BBS7: variants seen among roughly 807,000 people sequenced by gnomAD.
The protein encoded by BBS7 is Bardet-Biedl syndrome 7.
A neutral mutation model predicts 90.3 loss-of-function variants in BBS7; 50 were observed. The observed-to-expected ratio is 0.55, with a 90% CI of 0.44 to 0.70. The LOEUF is 0.70. Among genes scored for constraint, BBS7 ranks in the 30% least tolerant of loss-of-function variants. The pLI, the probability that BBS7 is intolerant of heterozygous loss-of-function variation, is 0.00. For missense variants in BBS7, 729 were observed against 838.9 expected, an observed-to-expected ratio of 0.87 and a Z score of 1.62; for synonymous variants, 235 against 287.4, an observed-to-expected ratio of 0.82 and a Z score of 1.85.
chr4:121,825,504 A>G lies in BBS7; in HGVS notation c.*356T>C, dbSNP rs1288485333. 1.2e-5 allele frequency: 2 copies of G among 169,888 alleles called. No homozygotes were observed. Among genetic ancestry groups the G allele is most frequent in the Non-Finnish European group, 2.5e-5 (2 of 79,442 alleles). 10.5% of individuals were successfully genotyped at this position (169,888 alleles called of 1,614,324 possible). ...ATAAAAATACATTTTGAAGCCTATA[A>G]AGCGGTCTACATGTTTATGTGTTTA... On this transcript the variant is annotated 3_prime_UTR_variant, in exon 19 of 19. Transcript: ENST00000264499.
At chr4:121,855,799 T>TAC (rs1052785883) in intron 5 of BBS7, among the ~76,000 whole-genome samples, 1 of 151,138 alleles carries the variant, frequency 6.6e-6, no homozygotes, top group Non-Finnish European at 1.5e-5. Flanking sequence ...TACGTATATA[T>TAC]ACAGATATGT....
intron 2 of BBS7, among the ~76,000 whole-genome samples, chr4:121,867,643 CTT>C (rs2149093846): frequency 6.6e-6 from 1 of 152,226 alleles, no homozygotes; most frequent in East Asian, 1.9e-4. Flanking sequence ...TATTTAATGA[CTT>C]TAAAATATGA....
intron 8 of BBS7, among the ~76,000 whole-genome samples, chr4:121,852,686 T>C (rs756215865): frequency 7.2e-5 from 11 of 152,176 alleles, no homozygotes; most frequent in Non-Finnish European, 1.6e-4. Flanking sequence ...TTATATGTTA[T>C]AAACTAAGGC....
At position 121,870,372 on chromosome 4, in the gene BBS7, G is replaced by A; in HGVS notation, c.-59C>T. 1 of 1,599,096 alleles carries A rather than the reference G, an allele frequency of 6.3e-7. No individual in the cohort carries two copies. On this transcript the variant is annotated 5_prime_UTR_variant, in exon 1 of 19. Coordinates refer to ENST00000264499, the MANE Select transcript of BBS7 (RefSeq NM_176824.3). ...CAAGAACAGGAGGGACAGAGGCTTC[G>A]GGCCCGCAGGCCTCCGACCCAGTCA...
chr4:121,859,065 C>T lies in BBS7; in HGVS notation c.455G>A (p.Cys152Tyr). 1 of 1,613,862 alleles carries T rather than the reference C, an allele frequency of 6.2e-7. No homozygotes were observed. Among genetic ancestry groups the T allele is most frequent in the South Asian group, 1.1e-5 (1 of 91,072 alleles). The change falls in exon 5 of 19, where the codon TGC becomes TAC. Residue 152 changes from cysteine to tyrosine, a missense_variant. Coordinates refer to ENST00000264499, the MANE Select transcript of BBS7 (RefSeq NM_176824.3). ...ACGAGATAATCTTTCCACTGGAAGG[C>T]AGATCACATCATTGATTTTATCCCC... ...LSGDKINDVI[C>Y]LPVERLSRIT... is the part of the protein sequence containing the mutation.
In BBS7 at chr4:121,825,830, A is replaced by G. The variant is rs749023800; in HGVS notation, c.*30T>C. 4 of 1,608,852 alleles carry G rather than the reference A, an allele frequency of 2.5e-6. No homozygotes were observed. The South Asian group carries it at 4.4e-5, about 18-fold the overall frequency. Reference sequence around the variant, plus strand: ...TTAACATTTTTCATTTAAACAGACCACTTCTTTGGGACTTTACCTTATTTG... The same window carrying G: ...TTAACATTTTTCATTTAAACAGACCGCTTCTTTGGGACTTTACCTTATTTG... On this transcript the variant is annotated 3_prime_UTR_variant, in exon 19 of 19. Coordinates refer to ENST00000264499, the MANE Select transcript of BBS7 (RefSeq NM_176824.3).
At chr4:121,865,382 A>G (rs1282919316) in intron 2 of BBS7, among the ~76,000 whole-genome samples, 1 of 151,806 alleles carries the variant, frequency 6.6e-6, no homozygotes, top group East Asian at 1.9e-4. Context: ...GGAATTACAG[A>G]TGCCTGCCAT....
At position 121,855,550 on chromosome 4, in the gene BBS7, C is replaced by A; in HGVS notation, c.540G>T (p.Val180=). 6.2e-7 allele frequency: 1 copy of A among 1,613,402 alleles called. No individual in the cohort carries two copies. Among genetic ancestry groups the A allele is most frequent in the Admixed American group, 1.7e-5 (1 of 60,006 alleles). The change falls in exon 6 of 19, where the codon GTG becomes GTT. Residue 180 remains valine, a synonymous_variant. Coordinates refer to ENST00000264499, the MANE Select transcript of BBS7 (RefSeq NM_176824.3). ...RVLRVLQGSD[V]MYAVEVPGPP... ...GTCCAGGAACTTCAACTGCATACAT[C>A]ACATCAGATCCCTGAAGGAGAAGTA... is the stretch of plus-strand genomic sequence containing the variant.
At chr4:121,867,831 T>C in intron 2 of BBS7, 150 bp downstream of exon 2, 3 of 716,632 alleles carry the variant, frequency 4.2e-6, no homozygotes, top group Non-Finnish European at 7.3e-6. Context: ...AAATGTCCCT[T>C]GGTATTCCAG....
chr4:121,834,698 G>A (rs1029611554), intron 14 of BBS7, among the ~76,000 whole-genome samples: 2 of 152,146 alleles, frequency 1.3e-5, no homozygotes, highest in South Asian at 2.1e-4. Context: ...CTACAAAGAA[G>A]TGGATGCCTA....
rs747365719 is a variant in BBS7, at chr4:121,870,310, C to T, written c.4G>A (p.Asp2Asn). The T allele has an allele frequency of 1.9e-6, 3 of 1,614,172 alleles. No homozygotes were observed. The highest frequency in any genetic ancestry group is 2.2e-5 in the South Asian group (2 of 91,080). The change falls in exon 1 of 19, where the codon GAT (aspartate) becomes AAT (asparagine). Residue 2 changes from aspartate to asparagine, a missense_variant. Transcript: ENST00000264499. M[D>N]LILNRMDYLQ... Reference sequence around the variant, plus strand: ...TAATCCATTCGGTTTAAAATCAGATCCATGATGACTACGCGGAGGGGCTAA... The same window carrying T: ...TAATCCATTCGGTTTAAAATCAGATTCATGATGACTACGCGGAGGGGCTAA...
rs760248041 is a variant in BBS7 at position 121,828,150 on chromosome 4, G to C, written c.2010C>G (p.Leu670=). Residue 670 remains leucine, a synonymous_variant, in exon 18 of 19, where the codon CTC becomes CTG. Coordinates refer to ENST00000264499, the MANE Select transcript of BBS7 (RefSeq NM_176824.3). ...ATTCTAGAATGGTCCACTAACCATA[G>C]AGTCTTTCAAGATGTGCAGGTTGCT... The part of the protein sequence containing the change: ...YKKQPAHLER[L]YGMITDLFID... The C allele has an allele frequency of 1.9e-6, 3 of 1,613,756 alleles. No homozygotes were observed. The highest frequency in any genetic ancestry group is 3.3e-5 in the Admixed American group (2 of 60,000).
intron 4 of BBS7, chr4:121,861,241 A>C: frequency 3.3e-6 from 1 of 306,576 alleles, no homozygotes. Flanking sequence ...ATTTATTTTC[A>C]ATTTTTTTGA....
chr4:121,857,048 C>A (rs899529450), intron 5 of BBS7, among the ~76,000 whole-genome samples: 8 of 151,832 alleles, frequency 5.3e-5, no homozygotes, highest in Non-Finnish European at 1.2e-4. Flanking sequence ...GGATTACAGG[C>A]GTGAGCCACC....
intron 9 of BBS7, 123 bp downstream of exon 9, chr4:121,848,720 TC>T: frequency 1.4e-6 from 1 of 723,452 alleles, no homozygotes. Context: ...TGGAATGGAT[TC>T]CCCATGAATA....
At chr4:121,828,316 C>T (rs755246149) in intron 17 of BBS7, 47 bp from the exon 18 acceptor site, 29 of 1,593,946 alleles carry the variant, frequency 1.8e-5, no homozygotes, top group Non-Finnish European at 2.3e-5. Context: ...AAAATTCAAT[C>T]CAATGTAATG....
In BBS7 at chr4:121,847,447, GTTC is replaced by G. The variant is rs1175016588; in HGVS notation, c.991_993del (p.Glu331del). The G allele has an allele frequency of 1.9e-6, 3 of 1,613,586 alleles. No individual in the cohort carries two copies. Among genetic ancestry groups the G allele is most frequent in the Non-Finnish European group, 2.5e-6 (3 of 1,179,816 alleles). On this transcript the variant is annotated inframe_deletion, in exon 10 of 19. Transcript: ENST00000264499. Reference sequence around the variant, plus strand: ...TTCTGCATCTCCTGATTAATTTTTAGTTCTTCTCCTGGTCCACTTTCCTTATGA... The same window carrying G: ...TTCTGCATCTCCTGATTAATTTTTAGTTCTCCTGGTCCACTTTCCTTATGA...
intron 9 of BBS7, among the ~76,000 whole-genome samples, chr4:121,847,967 T>C (rs1485606211): frequency 6.6e-6 from 1 of 152,018 alleles, no homozygotes; most frequent in Non-Finnish European, 1.5e-5. Context: ...AAAAAAGTTT[T>C]TATAAGACAT....
chr4:121,842,654 C>T (rs1725804610), intron 12 of BBS7, among the ~76,000 whole-genome samples: 1 of 151,920 alleles, frequency 6.6e-6, no homozygotes. Flanking sequence ...AAATAAATAA[C>T]AAAAACCAAA....
Sources: gnomAD v4.1 joint callset for allele counts (sites outside exome capture counted in the v4.1 genomes callset) on GRCh38, gnomAD v4.1.1 for gene constraint, MANE v1.5 for transcripts, NCBI Gene and HGNC (gene_info 2026-07-23, HGNC 2026-07-21) for gene names.